Variants in CNTNAP2 observed in about 807,000 individuals in gnomAD.
CNTNAP2 encodes the protein contactin-associated protein-like 2.
CNTNAP2 carries 98 observed loss-of-function variants against 155.2 expected under a neutral mutation model. The observed-to-expected ratio is 0.63, with a 90% confidence interval of 0.54 to 0.75. CNTNAP2 has a LOEUF of 0.75. CNTNAP2 is among the 30% of genes least tolerant of loss of function. The pLI is 0.00. For synonymous variants in CNTNAP2, 651 were observed against 631.2 expected, an observed-to-expected ratio of 1.03 and a Z score of -0.47; for missense variants, 1,727 against 1,688.1, an observed-to-expected ratio of 1.02 and a Z score of -0.40.
At chr7:147,242,513 T>G (rs924700803) in intron 8 of CNTNAP2, among the ~76,000 whole-genome samples, 1 of 152,036 alleles carries the variant, frequency 6.6e-6, no homozygotes, top group Non-Finnish European at 1.5e-5. Context: ...AGAAAACGAG[T>G]CTTCATTTGG....
intron 21 of CNTNAP2, among the ~76,000 whole-genome samples, chr7:148,273,724 G>A (rs963001751): frequency 6.6e-6 from 1 of 152,028 alleles, no homozygotes; most frequent in Non-Finnish European, 1.5e-5. Flanking sequence ...AAAATAAAGC[G>A]AACTTCTATC....
At chr7:147,112,048 C>A (rs2129280551) in intron 5 of CNTNAP2, among the ~76,000 whole-genome samples, 1 of 152,190 alleles carries the variant, frequency 6.6e-6, no homozygotes, top group East Asian at 1.9e-4. Flanking sequence ...TCTCTGATTT[C>A]TTTGAGCAGA....
intron 1 of CNTNAP2, among the ~76,000 whole-genome samples, chr7:146,696,312 T>C (rs930853214): frequency 1.3e-5 from 2 of 152,224 alleles, no homozygotes; most frequent in African/African-American, 4.8e-5. Flanking sequence ...TCTGTAAGCA[T>C]GAAATTGTTT....
At chr7:146,628,500 T>A (rs1799457957) in intron 1 of CNTNAP2, among the ~76,000 whole-genome samples, 1 of 152,084 alleles carries the variant, frequency 6.6e-6, no homozygotes, top group African/African-American at 2.4e-5. Flanking sequence ...GTATTGTCAA[T>A]ACAAAAATAA....
intron 4 of CNTNAP2, among the ~76,000 whole-genome samples, chr7:147,071,956 A>G (rs764047666): frequency 1.3e-5 from 2 of 152,166 alleles, no homozygotes; most frequent in African/African-American, 2.4e-5. Flanking sequence ...AATAAAAACC[A>G]GTCTCTGCCT....
At chr7:147,332,747 A>T (rs893685616) in intron 9 of CNTNAP2, among the ~76,000 whole-genome samples, 1 of 152,058 alleles carries the variant, frequency 6.6e-6, no homozygotes, top group Non-Finnish European at 1.5e-5. Context: ...CTGTAATCCC[A>T]GCTACTCGGG....
chr7:147,626,224 A>G (rs1484281956), intron 12 of CNTNAP2, among the ~76,000 whole-genome samples: 1 of 151,968 alleles, frequency 6.6e-6, no homozygotes, highest in African/African-American at 2.4e-5. Flanking sequence ...CAGCCAATGG[A>G]GTGGGCAGAT....
intron 21 of CNTNAP2, among the ~76,000 whole-genome samples, chr7:148,363,428 C>T (rs1257771507): frequency 1.3e-5 from 2 of 152,082 alleles, no homozygotes; most frequent in Non-Finnish European, 2.9e-5. Flanking sequence ...ATATACAAGA[C>T]AGTAATATTA....
At chr7:146,347,169 T>C (rs1794832778) in intron 1 of CNTNAP2, among the ~76,000 whole-genome samples, 1 of 148,934 alleles carries the variant, frequency 6.7e-6, no homozygotes, top group Non-Finnish European at 1.5e-5. Context: ...AAACCCTGCC[T>C]GTGCCATTTG....
intron 10 of CNTNAP2, 36 bp downstream of exon 10, chr7:147,395,816 A>C (rs771889819): frequency 4.2e-5 from 68 of 1,609,046 alleles, no homozygotes; most frequent in Middle Eastern, 1.7e-4. Context: ...ACGTTGTCCA[A>C]ACTTTCCAAA....
chr7:147,411,194 G>GT (rs1797096184), intron 10 of CNTNAP2, among the ~76,000 whole-genome samples: 1 of 152,102 alleles, frequency 6.6e-6, no homozygotes, highest in South Asian at 2.1e-4. Flanking sequence ...AGATGTGTTG[G>GT]TTTTCTCCCA....
chr7:146,922,545 G>A (rs1008006472), intron 3 of CNTNAP2, among the ~76,000 whole-genome samples: 5 of 152,100 alleles, frequency 3.3e-5, no homozygotes, highest in Non-Finnish European at 7.4e-5. Context: ...AGAAAACAAT[G>A]ATAAATATCC....
At chr7:146,683,365 C>T (rs1338720801) in intron 1 of CNTNAP2, among the ~76,000 whole-genome samples, 4 of 152,072 alleles carry the variant, frequency 2.6e-5, no homozygotes, top group African/African-American at 7.2e-5. Flanking sequence ...AGTGATTTGG[C>T]GGGGAGTGGG....
chr7:146,511,865 T>G (rs1797471300), intron 1 of CNTNAP2, among the ~76,000 whole-genome samples: 1 of 152,128 alleles, frequency 6.6e-6, no homozygotes, highest in Admixed American at 6.5e-5. Flanking sequence ...TGGTTCTTCT[T>G]TAAAAATTTG....
At chr7:146,666,918 T>C (rs1397546855) in intron 1 of CNTNAP2, among the ~76,000 whole-genome samples, 1 of 152,218 alleles carries the variant, frequency 6.6e-6, no homozygotes, top group East Asian at 1.9e-4. Flanking sequence ...GCAAATATTT[T>C]ATCTCATTCT....
At chr7:146,497,138 A>G (rs1390177964) in intron 1 of CNTNAP2, among the ~76,000 whole-genome samples, 5 of 152,152 alleles carry the variant, frequency 3.3e-5, no homozygotes, top group African/African-American at 1.2e-4. Flanking sequence ...ACATGCACCT[A>G]CTTACCACTT....
intron 2 of CNTNAP2, among the ~76,000 whole-genome samples, chr7:146,815,895 G>C (rs1300746874): frequency 1.3e-5 from 2 of 152,046 alleles, no homozygotes; most frequent in Non-Finnish European, 2.9e-5. Flanking sequence ...TTCTCTTAAT[G>C]ATATCCCTCT....
At chr7:146,380,833 T>C (rs975914327) in intron 1 of CNTNAP2, among the ~76,000 whole-genome samples, 1 of 128,978 alleles carries the variant, frequency 7.8e-6, no homozygotes, top group African/African-American at 3.0e-5. Flanking sequence ...GGAGTCTCGC[T>C]GTCGCCCAGG....
intron 1 of CNTNAP2, among the ~76,000 whole-genome samples, chr7:146,217,374 A>T (rs1394105083): frequency 6.6e-6 from 1 of 152,164 alleles, no homozygotes; most frequent in Non-Finnish European, 1.5e-5. Context: ...TCTTTTCTTA[A>T]CTTTTATTTC....
Sources: allele counts gnomAD v4.1 joint callset (sites outside exome capture counted in the v4.1 genomes callset), GRCh38; gene constraint gnomAD v4.1.1; transcripts MANE v1.5; gene names NCBI Gene and HGNC (gene_info 2026-07-23, HGNC 2026-07-21).